Variants in GRM5 observed in about 807,000 individuals in gnomAD.
GRM5 encodes the protein metabotropic glutamate receptor 5.
Under a neutral mutation model 83.1 loss-of-function variants are expected in GRM5, and 19 were observed. The observed-to-expected ratio is 0.23, with a 90% confidence interval of 0.16 to 0.34. GRM5 has a LOEUF of 0.34. Ranked by LOEUF, GRM5 falls within the 10% of genes least tolerant of loss-of-function variation. The pLI is 1.00. For missense variants in GRM5, 1,160 were observed against 1,588.3 expected, an observed-to-expected ratio of 0.73 and a Z score of 4.58; for synonymous variants, 675 against 633.6, an observed-to-expected ratio of 1.07 and a Z score of -0.98.
At chr11:89,044,773 G>A (rs1237749126) in intron 2 of GRM5, among the ~76,000 whole-genome samples, 1 of 151,634 alleles carries the variant, frequency 6.6e-6, no homozygotes, top group East Asian at 1.9e-4. Flanking sequence ...CCAGTGAGAG[G>A]AAGAGACTGG....
intron 9 of GRM5, among the ~76,000 whole-genome samples, chr11:88,514,042 A>C (rs907130420): frequency 1.3e-5 from 2 of 152,088 alleles, no homozygotes; most frequent in Non-Finnish European, 2.9e-5. Flanking sequence ...CCCTCACTGA[A>C]TATTTTGGAC....
intron 2 of GRM5, among the ~76,000 whole-genome samples, chr11:89,018,409 C>A (rs1191024064): frequency 1.3e-5 from 2 of 152,164 alleles, no homozygotes; most frequent in South Asian, 2.1e-4. Context: ...CATATCAGTA[C>A]AAAGGCAGCT....
intron 2 of GRM5, among the ~76,000 whole-genome samples, chr11:88,870,905 AAAT>A (rs1324294318): frequency 6.6e-6 from 1 of 151,274 alleles, no homozygotes; most frequent in Non-Finnish European, 1.5e-5. Context: ...GGTTGTTTGA[AAAT>A]AATAATAATA....
chr11:88,726,572 C>G (rs1213917948), intron 3 of GRM5, among the ~76,000 whole-genome samples: 1 of 151,980 alleles, frequency 6.6e-6, no homozygotes, highest in Non-Finnish European at 1.5e-5. Context: ...AAGAGCAATC[C>G]CAAGACACAT....
chr11:89,011,860 G>C (rs1247564414), intron 2 of GRM5, among the ~76,000 whole-genome samples: 4 of 152,142 alleles, frequency 2.6e-5, no homozygotes, highest in Non-Finnish European at 5.9e-5. Context: ...TTATTTCATA[G>C]ATGTTTTCAT....
chr11:88,970,621 C>T (rs1393627089), intron 2 of GRM5, among the ~76,000 whole-genome samples: 1 of 152,196 alleles, frequency 6.6e-6, no homozygotes, highest in African/African-American at 2.4e-5. Flanking sequence ...TTTGGGTAGG[C>T]ATGCCCAGTG....
chr11:88,769,929 T>C (rs769612723), intron 3 of GRM5, among the ~76,000 whole-genome samples: 3 of 151,916 alleles, frequency 2.0e-5, no homozygotes, highest in Non-Finnish European at 2.9e-5. Flanking sequence ...GGGGAGGAGA[T>C]AGTAAATTTA....
At position 88,807,364 on chromosome 11, in the gene GRM5, G is replaced by A. The variant is rs1590872659; in HGVS notation, c.911+42542C>T. The stretch of plus-strand genomic sequence containing the variant: ...CTAGACTCAACTCTGTCCCTAGCCT[G>A]TAATGTCCATTCAATAAAATCTTGT... On this transcript the variant is annotated intron_variant, in intron 3 of 9. Transcript: ENST00000305447. 2.0e-5 allele frequency among the ~76,000 whole-genome samples: 3 copies of A among 152,168 alleles called. No individual in the cohort carries two copies. The East Asian group carries it at 5.8e-4, about 29-fold the overall frequency.
At chr11:88,721,659 G>A (rs1941542683) in intron 3 of GRM5, among the ~76,000 whole-genome samples, 1 of 152,040 alleles carries the variant, frequency 6.6e-6, no homozygotes, top group Non-Finnish European at 1.5e-5. Context: ...TGCCATTTGG[G>A]TAAGTCTCCA....
At chr11:88,824,062 A>T (rs181722557) in intron 3 of GRM5, among the ~76,000 whole-genome samples, 5 of 152,218 alleles carry the variant, frequency 3.3e-5, no homozygotes, top group Non-Finnish European at 7.4e-5. Context: ...CTTTCTTTGT[A>T]ATTTAGTTAC....
chr11:88,922,904 A>T (rs1177852294), intron 2 of GRM5, among the ~76,000 whole-genome samples: 3 of 152,218 alleles, frequency 2.0e-5, no homozygotes, highest in African/African-American at 7.2e-5. Flanking sequence ...ATCCAGTTTA[A>T]AATGGGCAAA....
At chr11:88,678,400 C>T (rs1940391606) in intron 3 of GRM5, among the ~76,000 whole-genome samples, 1 of 152,104 alleles carries the variant, frequency 6.6e-6, no homozygotes, top group Admixed American at 6.6e-5. Flanking sequence ...TGAACTTCAC[C>T]TTATTTGTCC....
At chr11:89,011,843 A>C (rs1254492218) in intron 2 of GRM5, among the ~76,000 whole-genome samples, 1 of 152,220 alleles carries the variant, frequency 6.6e-6, no homozygotes, top group Non-Finnish European at 1.5e-5. Context: ...TCTACATTAT[A>C]GCAATGTTAT....
chr11:88,739,409 T>C (rs1941985244), intron 3 of GRM5, among the ~76,000 whole-genome samples: 1 of 152,158 alleles, frequency 6.6e-6, no homozygotes, highest in Non-Finnish European at 1.5e-5. Flanking sequence ...TTATTCAGGA[T>C]CATATACTCC....
At chr11:88,590,132 T>A (rs1937613312) in intron 7 of GRM5, among the ~76,000 whole-genome samples, 1 of 152,180 alleles carries the variant, frequency 6.6e-6, no homozygotes, top group East Asian at 1.9e-4. Flanking sequence ...TAAAAGCATA[T>A]TAGTTGGAGA....
chr11:88,695,878 C>A (rs1346911640), intron 3 of GRM5, among the ~76,000 whole-genome samples: 1 of 152,102 alleles, frequency 6.6e-6, no homozygotes, highest in African/African-American at 2.4e-5. Context: ...CGGCGTTGTC[C>A]AGGGTTGAGT....
At chr11:88,941,212 G>T (rs1938077639) in intron 2 of GRM5, among the ~76,000 whole-genome samples, 1 of 151,614 alleles carries the variant, frequency 6.6e-6, no homozygotes. Context: ...AGAAAATAAA[G>T]AAATGCTCAA....
intron 3 of GRM5, among the ~76,000 whole-genome samples, chr11:88,685,159 A>G (rs1366681471): frequency 6.6e-6 from 1 of 152,166 alleles, no homozygotes; most frequent in African/African-American, 2.4e-5. Flanking sequence ...AGCGATATAG[A>G]CAAATAAGGT....
chr11:88,941,170 T>C (rs1319286177), intron 2 of GRM5, among the ~76,000 whole-genome samples: 6 of 151,630 alleles, frequency 4.0e-5, no homozygotes, highest in Non-Finnish European at 5.9e-5. Context: ...CAAATAAAAG[T>C]ACAAGGTGAG....
Sources: allele counts gnomAD v4.1 joint callset (sites outside exome capture counted in the v4.1 genomes callset), GRCh38; gene constraint gnomAD v4.1.1; transcripts MANE v1.5; gene names NCBI Gene and HGNC (gene_info 2026-07-23, HGNC 2026-07-21).